The following ENOX1 variants were observed in gnomAD, a reference collection of about 807,000 sequenced individuals.
ENOX1 encodes ecto-NOX disulfide-thiol exchanger 1.
Under a neutral mutation model 82.5 loss-of-function variants are expected in ENOX1, and 42 were observed. The observed-to-expected ratio is 0.51, with a 90% confidence interval of 0.40 to 0.66. ENOX1 has a LOEUF of 0.66. ENOX1 is among the 30% of genes least tolerant of loss of function. The pLI, the probability that ENOX1 is intolerant of heterozygous loss-of-function variation, is 0.00. For missense variants in ENOX1, 608 were observed against 811.6 expected, an observed-to-expected ratio of 0.75 and a Z score of 3.05; for synonymous variants, 271 against 282.2, an observed-to-expected ratio of 0.96 and a Z score of 0.40.
At chr13:43,485,865 C>T (rs2153658533) in intron 2 of ENOX1, among the ~76,000 whole-genome samples, 1 of 152,162 alleles carries the variant, frequency 6.6e-6, no homozygotes, top group East Asian at 1.9e-4. Flanking sequence ...CACTTCAGTC[C>T]AGAAGTTCAA....
At chr13:43,687,871 C>T (rs1439895545) in intron 1 of ENOX1, among the ~76,000 whole-genome samples, 1 of 152,046 alleles carries the variant, frequency 6.6e-6, no homozygotes, top group Non-Finnish European at 1.5e-5. Flanking sequence ...TCAGGAAGAG[C>T]CTCTAGACAA....
chr13:43,578,113 C>A (rs115866997), intron 2 of ENOX1, among the ~76,000 whole-genome samples: 1 of 152,060 alleles, frequency 6.6e-6, no homozygotes, highest in Non-Finnish European at 1.5e-5. Context: ...CTTTACCTGA[C>A]GACACACGAC....
At chr13:43,335,964 T>C (rs779988833) in intron 9 of ENOX1, among the ~76,000 whole-genome samples, 5 of 152,154 alleles carry the variant, frequency 3.3e-5, no homozygotes, top group Admixed American at 6.5e-5. Context: ...ATGGAAATAA[T>C]GTTTCCAGCA....
intron 2 of ENOX1, among the ~76,000 whole-genome samples, chr13:43,629,718 T>C (rs1333028596): frequency 6.6e-6 from 1 of 152,228 alleles, no homozygotes; most frequent in Admixed American, 6.5e-5. Context: ...ACACCACTGG[T>C]TTTCATTCCA....
At chr13:43,547,709 T>C (rs1264005819) in intron 2 of ENOX1, 3 of 152,202 alleles carry the variant, frequency 2.0e-5, no homozygotes, top group African/African-American at 4.8e-5. Context: ...AGTGACCAGA[T>C]ATTATAAAAC....
chr13:43,381,198 T>G (rs1157757029), intron 5 of ENOX1, among the ~76,000 whole-genome samples: 3 of 151,732 alleles, frequency 2.0e-5, no homozygotes, highest in African/African-American at 7.3e-5. Flanking sequence ...ACAAATCATA[T>G]AAAGTGTATT....
chr13:43,345,718 C>T (rs2049338681), intron 8 of ENOX1, among the ~76,000 whole-genome samples: 1 of 152,140 alleles, frequency 6.6e-6, no homozygotes, highest in Non-Finnish European at 1.5e-5. Context: ...TCCAGGCAAA[C>T]CTGAGGGGAG....
intron 2 of ENOX1, among the ~76,000 whole-genome samples, chr13:43,638,785 A>G (rs79192856): frequency 1.1e-4 from 16 of 152,342 alleles, no homozygotes; most frequent in African/African-American, 3.6e-4. Flanking sequence ...AACTGATGAT[A>G]AAGGATGCTA....
intron 2 of ENOX1, among the ~76,000 whole-genome samples, chr13:43,560,423 A>G (rs2079619309): frequency 6.6e-6 from 1 of 152,188 alleles, no homozygotes; most frequent in South Asian, 2.1e-4. Context: ...ACCACTAGAT[A>G]GCATCAACTG....
chr13:43,560,621 C>T (rs1386884887), intron 2 of ENOX1, among the ~76,000 whole-genome samples: 3 of 152,134 alleles, frequency 2.0e-5, no homozygotes, highest in Non-Finnish European at 4.4e-5. Flanking sequence ...GAGAAATTAG[C>T]CCATCATCTG....
chr13:43,474,048 T>A (rs1269190027), intron 3 of ENOX1, among the ~76,000 whole-genome samples: 2 of 152,186 alleles, frequency 1.3e-5, no homozygotes, highest in Non-Finnish European at 1.5e-5. Flanking sequence ...ATATTCAAAT[T>A]AAGTTTACCA....
chr13:43,479,767 T>C (rs1463717114), intron 3 of ENOX1, among the ~76,000 whole-genome samples: 1 of 152,206 alleles, frequency 6.6e-6, no homozygotes, highest in African/African-American at 2.4e-5. Context: ...ATTTGGGCAC[T>C]GTCAGCTCTA....
chr13:43,341,637 T>C (rs1014680184), intron 9 of ENOX1, among the ~76,000 whole-genome samples: 1 of 152,208 alleles, frequency 6.6e-6, no homozygotes, highest in African/African-American at 2.4e-5. Flanking sequence ...AACGGTTTAC[T>C]GGGGAAGACA....
Position 43,484,004 on chromosome 13 carries a change from C to T in ENOX1, c.-75+5G>A, listed in dbSNP as rs2058602235. 1.3e-5 allele frequency: 13 copies of T among 985,408 alleles called. No individual in the cohort carries two copies. Among genetic ancestry groups the T allele is most frequent in the Non-Finnish European group, 1.6e-5 (13 of 829,882 alleles). The allele number at this position is 985,408 out of a possible 1,614,324, so 61.0% of individuals were successfully genotyped here. A position where few individuals can be genotyped will look rare whatever the true frequency, so the allele number is the denominator to read the frequency against. On this transcript the variant is annotated splice_donor_5th_base_variant and intron_variant, in intron 3 of 16. Coordinates refer to ENST00000690772, the MANE Select transcript of ENOX1 (RefSeq NM_001347969.2). ...AGTAAGAAAAATGAAAAAATTAACA[C>T]AAACCTCAAAACTGCCAGCAGCTCA...
intron 1 of ENOX1, among the ~76,000 whole-genome samples, chr13:43,742,670 A>G (rs1487550242): frequency 6.6e-6 from 1 of 152,172 alleles, no homozygotes; most frequent in Non-Finnish European, 1.5e-5. Context: ...TTGACACATA[A>G]AATTAACCAC....
intron 12 of ENOX1, among the ~76,000 whole-genome samples, chr13:43,283,076 C>T (rs542283284): frequency 5.7e-5 from 8 of 140,766 alleles, no homozygotes; most frequent in African/African-American, 1.8e-4. Flanking sequence ...GAGCGAGACT[C>T]GGTCTCAAGA....
At position 43,702,388 on chromosome 13, in the gene ENOX1, C is replaced by T. The variant is rs2086955264; in HGVS notation, c.-284-34844G>A. Among the ~76,000 whole-genome samples, 4 of 152,222 alleles carry T rather than the reference C, an allele frequency of 2.6e-5. No homozygotes were observed. The South Asian group carries it at 8.3e-4, about 32-fold the overall frequency. On this transcript the variant is annotated intron_variant, in intron 1 of 16. Transcript: ENST00000690772. ...TGTTCAGTCTGATTGAAGAATATAG[C>T]TTTATATCTGATGCCAGAGGGGTTG...
intron 1 of ENOX1, among the ~76,000 whole-genome samples, chr13:43,732,595 C>G (rs1374627686): frequency 6.6e-6 from 1 of 152,076 alleles, no homozygotes; most frequent in Non-Finnish European, 1.5e-5. Flanking sequence ...ACTGAAAAAC[C>G]AATACCAAAA....
intron 3 of ENOX1, among the ~76,000 whole-genome samples, chr13:43,473,626 G>A (rs754083805): frequency 5.3e-5 from 8 of 152,228 alleles, no homozygotes; most frequent in Admixed American, 2.0e-4. Context: ...TCCAGCATAC[G>A]CACTCATCTC....
Sources: gnomAD v4.1 joint callset for allele counts (sites outside exome capture counted in the v4.1 genomes callset) on GRCh38, gnomAD v4.1.1 for gene constraint, MANE v1.5 for transcripts, NCBI Gene and HGNC (gene_info 2026-07-23, HGNC 2026-07-21) for gene names.